Variants in SMAP1 observed in about 807,000 individuals in gnomAD.
SMAP1 encodes the protein small ArfGAP 1.
In SMAP1, 24 loss-of-function variants were observed where a neutral mutation model predicts 58.5. That is an observed-to-expected ratio of 0.41 (90% CI 0.30 to 0.58). The LOEUF (loss-of-function observed/expected upper bound fraction) is 0.58, where lower values mean the gene tolerates loss of function less well. SMAP1 is among the 20% of genes least tolerant of loss of function. The pLI is 0.29. For missense variants in SMAP1, 563 were observed against 566.3 expected (o/e 0.99, Z 0.06); for synonymous variants, 216 against 196.6 (o/e 1.10, Z -0.82).
At chr6:70,770,393 A>G (rs142098928) in intron 3 of SMAP1, among the ~76,000 whole-genome samples, 8 of 152,278 alleles carry the variant, frequency 5.3e-5, no homozygotes, top group East Asian at 1.9e-4. Flanking sequence ...GATCAATCAG[A>G]CATAGATTTC....
At position 70,861,761 on chromosome 6, in the gene SMAP1, G is replaced by A. The variant is rs1562211194; in HGVS notation, c.*1427G>A. ...TGCCACACGAGAACCTGAAGGGGAA[G>A]GAAATAGCTTGGGTAGCGCACTCTT... On this transcript the variant is annotated 3_prime_UTR_variant, in exon 11 of 11. Transcript: ENST00000370455. The A allele has an allele frequency of 6.2e-7, 1 of 1,613,994 alleles. No individual in the cohort carries two copies. Among genetic ancestry groups the A allele is most frequent in the Non-Finnish European group, 8.5e-7 (1 of 1,179,986 alleles).
In SMAP1 at chr6:70,680,102, T is replaced by TCAACAACAACAA. The variant is rs140699249; in HGVS notation, c.118+11985_118+11996dup. ...TCAATGGAGAGAAAGGATAGTCTTT[T>TCAACAACAACAA]CAACAACAACAACAACAACAACAAC... On this transcript the variant is annotated intron_variant, in intron 1 of 10. Transcript: ENST00000370455. Among the ~76,000 whole-genome samples the TCAACAACAACAA allele has an allele frequency of 2.3e-3, 345 of 150,462 alleles. 2 individuals carry two copies. The highest frequency in any genetic ancestry group is 4.8e-3 in the South Asian group (23 of 4,744).
chr6:70,705,947 G>A (rs1767821400), intron 1 of SMAP1, among the ~76,000 whole-genome samples: 1 of 152,182 alleles, frequency 6.6e-6, no homozygotes, highest in South Asian at 2.1e-4. Context: ...CCTTTAGTGT[G>A]TAACTACTTC....
chr6:70,729,869 C>T (rs1015996926), intron 1 of SMAP1, among the ~76,000 whole-genome samples: 1 of 152,168 alleles, frequency 6.6e-6, no homozygotes, highest in African/African-American at 2.4e-5. Context: ...CCTTGCTCTT[C>T]AAAATGTCAT....
chr6:70,773,041 A>C, intron 3 of SMAP1: 1 of 268,800 alleles, frequency 3.7e-6, no homozygotes, highest in East Asian at 1.1e-4. Flanking sequence ...ACCTGAATTG[A>C]ATTTAAAGTG....
At chr6:70,669,367 T>A (rs543500830) in intron 1 of SMAP1, among the ~76,000 whole-genome samples, 18 of 152,330 alleles carry the variant, frequency 1.2e-4, no homozygotes, top group African/African-American at 4.1e-4. Context: ...CCACACAGCA[T>A]CAGCAGGTTA....
intron 1 of SMAP1, among the ~76,000 whole-genome samples, chr6:70,689,554 A>G (rs1283045645): frequency 6.6e-6 from 1 of 152,138 alleles, no homozygotes; most frequent in African/African-American, 2.4e-5. Context: ...TGCCTATTCT[A>G]GGTTTCTTGA....
chr6:70,786,346 A>G (rs1332474111), intron 4 of SMAP1, among the ~76,000 whole-genome samples: 6 of 145,530 alleles, frequency 4.1e-5, no homozygotes, highest in Middle Eastern at 3.2e-3. Context: ...AGCCAATATC[A>G]TACTGAATGG....
chr6:70,850,480 G>A (rs1771144144), intron 7 of SMAP1, among the ~76,000 whole-genome samples: 1 of 151,488 alleles, frequency 6.6e-6, no homozygotes, highest in Admixed American at 6.6e-5. Flanking sequence ...AGTTTACATT[G>A]TTTTAGAGGA....
intron 4 of SMAP1, among the ~76,000 whole-genome samples, chr6:70,777,971 C>G (rs1040739159): frequency 6.6e-6 from 1 of 152,044 alleles, no homozygotes; most frequent in Non-Finnish European, 1.5e-5. Context: ...AGGCTGGTCT[C>G]GAACTCCTGG....
intron 2 of SMAP1, among the ~76,000 whole-genome samples, chr6:70,744,358 G>A (rs955348354): frequency 9.9e-5 from 15 of 151,740 alleles, no homozygotes; most frequent in African/African-American, 3.6e-4. Context: ...GGTGTGTGAT[G>A]TTCCCCACAC....
intron 4 of SMAP1, among the ~76,000 whole-genome samples, chr6:70,788,884 A>G (rs1007652061): frequency 6.6e-6 from 1 of 152,136 alleles, no homozygotes; most frequent in South Asian, 2.1e-4. Flanking sequence ...ATGACATGGT[A>G]TGGAGAATAG....
At chr6:70,696,426 G>C (rs1767408383) in intron 1 of SMAP1, among the ~76,000 whole-genome samples, 1 of 151,988 alleles carries the variant, frequency 6.6e-6, no homozygotes, top group Non-Finnish European at 1.5e-5. Flanking sequence ...TTATCCTACA[G>C]GTTTTGGTAT....
intron 6 of SMAP1, among the ~76,000 whole-genome samples, chr6:70,819,023 C>G (rs999998341): frequency 2.0e-5 from 3 of 152,068 alleles, no homozygotes; most frequent in African/African-American, 7.2e-5. Context: ...AGTGGTCACT[C>G]CCTGTTTCTC....
At chr6:70,689,552 C>G (rs1767071704) in intron 1 of SMAP1, among the ~76,000 whole-genome samples, 1 of 152,078 alleles carries the variant, frequency 6.6e-6, no homozygotes, top group Non-Finnish European at 1.5e-5. Context: ...TATGCCTATT[C>G]TAGGTTTCTT....
intron 6 of SMAP1, among the ~76,000 whole-genome samples, chr6:70,832,130 G>A (rs747474731): frequency 3.9e-5 from 6 of 151,934 alleles, no homozygotes; most frequent in African/African-American, 9.7e-5. Context: ...TTGTTATTTC[G>A]TTTAAGTTCC....
In SMAP1 at chr6:70,860,412, A is replaced by G. The variant is rs1771665064; in HGVS notation, c.*78A>G. The G allele has an allele frequency of 3.3e-6, 5 of 1,504,800 alleles. No homozygotes were observed. Among genetic ancestry groups the G allele is most frequent in the Admixed American group, 2.2e-5 (1 of 44,566 alleles). 93.2% of individuals were successfully genotyped at this position (1,504,800 alleles called of 1,614,324 possible). On this transcript the variant is annotated 3_prime_UTR_variant, in exon 11 of 11. Coordinates refer to ENST00000370455, the MANE Select transcript of SMAP1 (RefSeq NM_001044305.3). The stretch of plus-strand genomic sequence containing the variant: ...ACGCATCTAGTTCCCCTGTTTATTC[A>G]TATGCATATTTTTTTTCTTTTTACC...
At chr6:70,729,438 C>CAA (rs71538438) in intron 1 of SMAP1, among the ~76,000 whole-genome samples, 10 of 81,716 alleles carry the variant, frequency 1.2e-4, no homozygotes, top group Admixed American at 2.4e-4. Context: ...GACTCCGTCT[C>CAA]AAAAAAAAAA....
intron 4 of SMAP1, among the ~76,000 whole-genome samples, chr6:70,786,163 A>C (rs1406014908): frequency 6.6e-6 from 1 of 151,716 alleles, no homozygotes; most frequent in East Asian, 1.9e-4. Context: ...CAAATCAATA[A>C]ATGTAATCCA....
Sources: allele counts gnomAD v4.1 joint callset (sites outside exome capture counted in the v4.1 genomes callset), GRCh38; gene constraint gnomAD v4.1.1; transcripts MANE v1.5; gene names NCBI Gene and HGNC (gene_info 2026-07-23, HGNC 2026-07-21).